Variants in SASH1 observed in about 807,000 individuals in gnomAD.
SASH1 encodes SAM and SH3 domain-containing protein 1.
SASH1 carries 44 observed loss-of-function variants against 125.2 expected under a neutral mutation model. The observed-to-expected ratio is 0.35, with a 90% CI of 0.28 to 0.45. The LOEUF is 0.45. Ranked by LOEUF, SASH1 falls within the 20% of genes least tolerant of loss-of-function variation. SASH1 has a pLI of 1.00. For synonymous variants in SASH1, 639 were observed against 649.1 expected (o/e 0.98, Z 0.24); for missense variants, 1,426 against 1,614.5 (o/e 0.88, Z 2.00).
chr6:148,445,571 G>C (rs1776735552), intron 4 of SASH1, among the ~76,000 whole-genome samples: 1 of 152,214 alleles, frequency 6.6e-6, no homozygotes, highest in Non-Finnish European at 1.5e-5. Flanking sequence ...AATGGGTCCA[G>C]GGCTGGCTCC....
intron 1 of SASH1, among the ~76,000 whole-genome samples, chr6:148,374,318 C>T (rs1011815685): frequency 3.3e-5 from 5 of 152,068 alleles, no homozygotes; most frequent in African/African-American, 1.2e-4. Context: ...TAGGAATGTC[C>T]AAGCAAACAT....
At chr6:148,418,155 T>A (rs538155001) in intron 2 of SASH1, among the ~76,000 whole-genome samples, 1 of 152,318 alleles carries the variant, frequency 6.6e-6, no homozygotes, top group East Asian at 1.9e-4. Context: ...TATAGTTAAT[T>A]TTGACAACAT....
chr6:148,438,745 A>C (rs1241680359), intron 2 of SASH1, among the ~76,000 whole-genome samples: 4 of 120,010 alleles, frequency 3.3e-5, no homozygotes, highest in Admixed American at 8.6e-5. Context: ...AAAAAAAAAA[A>C]ACCAAAACAA....
Position 148,544,166 on chromosome 6 carries a change from G to C in SASH1, c.2696G>C (p.Arg899Thr), listed in dbSNP as rs1782401320. ...GCATTGCTACTGACCCAAAGCAAGA[G>C]ATTTTCTGAACCTCAGAAATTGACA... ...DNALLLTQSK[R>T]FSEPQKLTTK... Residue 899 changes from arginine (R) to threonine (T), a missense_variant, in exon 18 of 20, where the codon AGA (arginine) becomes ACA (threonine). Around this residue, in one of 3 missense-constraint regions of SASH1, gnomAD observed 634 missense variants for 694.4 expected, o/e 0.91. Transcript: ENST00000367467. The surrounding 1 kb of genome is among the most constrained non-coding windows in gnomAD (Gnocchi z 6.4). The C allele has an allele frequency of 5.6e-6, 9 of 1,614,060 alleles. No homozygotes were observed. The East Asian group carries it at 1.8e-4, about 32-fold the overall frequency.
the SASH1 span, among the ~76,000 whole-genome samples, chr6:148,261,722 G>A: frequency 2.0e-5 from 3 of 152,118 alleles, no homozygotes; most frequent in Admixed American, 6.5e-5. Flanking sequence ...CAACAGCCAC[G>A]TCCCTGCAGG....
chr6:148,302,014 C>A (rs1779961418), intron 1 of SASH1, among the ~76,000 whole-genome samples: 1 of 151,652 alleles, frequency 6.6e-6, no homozygotes, highest in Non-Finnish European at 1.5e-5. Context: ...ATTTACAAGA[C>A]CCTTAAGAAG....
the SASH1 span, among the ~76,000 whole-genome samples, chr6:148,257,335 T>A: frequency 6.6e-6 from 1 of 152,154 alleles, no homozygotes; most frequent in African/African-American, 2.4e-5. Context: ...TCACATAGGG[T>A]TGGCCTAGAG....
chr6:148,299,693 C>G (rs1350300766), intron 1 of SASH1, among the ~76,000 whole-genome samples: 2 of 139,276 alleles, frequency 1.4e-5, no homozygotes, highest in Admixed American at 6.9e-5. Flanking sequence ...AAAGGCCTTT[C>G]AGGGTTCTCT....
intron 5 of SASH1, among the ~76,000 whole-genome samples, chr6:148,470,869 T>TG (rs1435912730): frequency 2.6e-5 from 4 of 152,022 alleles, no homozygotes; most frequent in Non-Finnish European, 4.4e-5. Flanking sequence ...AGAGTAACAC[T>TG]GGGGGCCAGA....
rs1249589728 is a variant in SASH1 at position 148,312,460 on chromosome 6, A to G, written n.74+40083A>G. On this transcript the variant is annotated intron_variant and non_coding_transcript_variant, in intron 1 of 3. Coordinates refer to the SASH1 transcript ENST00000367469. The stretch of plus-strand genomic sequence containing the variant: ...GAGTTTGAGGCTGCACTGAGCTATA[A>G]ATCATGTCACTGTACTCCAGCCTGG... Among the ~76,000 whole-genome samples the G allele has an allele frequency of 3.9e-5, 6 of 152,110 alleles. No homozygotes were observed. The East Asian group carries it at 1.2e-3, about 30-fold the overall frequency.
intron 1 of SASH1, among the ~76,000 whole-genome samples, chr6:148,383,164 T>C (rs959317606): frequency 2.0e-5 from 3 of 152,184 alleles, no homozygotes; most frequent in African/African-American, 7.2e-5. Flanking sequence ...ATTAAAGACA[T>C]TTTTATGGTT....
intron 16 of SASH1, among the ~76,000 whole-genome samples, chr6:148,539,903 C>T (rs1205551932): frequency 6.6e-6 from 1 of 152,114 alleles, no homozygotes; most frequent in African/African-American, 2.4e-5. Flanking sequence ...GCACGTGTTG[C>T]TGAGGGCTAA....
intron 2 of SASH1, among the ~76,000 whole-genome samples, chr6:148,428,348 G>T (rs1775912455): frequency 6.6e-6 from 1 of 152,164 alleles, no homozygotes; most frequent in African/African-American, 2.4e-5. Flanking sequence ...AAACTATCAG[G>T]CCGGGTGCGG....
chr6:148,390,547 G>T (rs1482685321), intron 2 of SASH1, among the ~76,000 whole-genome samples: 2 of 152,182 alleles, frequency 1.3e-5, no homozygotes, highest in Admixed American at 1.3e-4. Context: ...AGCACTTTGA[G>T]AGGCCCAGGC....
intron 2 of SASH1, among the ~76,000 whole-genome samples, chr6:148,409,977 C>G (rs562992064): frequency 3.3e-5 from 5 of 151,804 alleles, no homozygotes; most frequent in Non-Finnish European, 7.4e-5. Context: ...AACTTTCACC[C>G]CAGACTATAA....
chr6:148,370,099 A>G (rs1782652736), intron 1 of SASH1, among the ~76,000 whole-genome samples: 1 of 151,624 alleles, frequency 6.6e-6, no homozygotes, highest in South Asian at 2.1e-4. Context: ...CTCTTTTGTA[A>G]GTGGAAGGCA....
intron 2 of SASH1, among the ~76,000 whole-genome samples, chr6:148,434,332 C>T (rs1281716003): frequency 6.6e-6 from 1 of 152,154 alleles, no homozygotes; most frequent in African/African-American, 2.4e-5. Context: ...GCCTCAGCCT[C>T]CCAAAGTGCT....
intron 1 of SASH1, among the ~76,000 whole-genome samples, chr6:148,324,524 A>G (rs1389246615): frequency 6.6e-6 from 1 of 152,080 alleles, no homozygotes; most frequent in African/African-American, 2.4e-5. Flanking sequence ...AGTCCTTCCA[A>G]TTCAGCTTGG....
chr6:148,395,882 T>TTAA (rs1423025779), intron 2 of SASH1, among the ~76,000 whole-genome samples: 25 of 152,222 alleles, frequency 1.6e-4, no homozygotes, highest in African/African-American at 5.3e-4. Context: ...GGCTTCTTAT[T>TTAA]ACTGGCAGTA....
Sources: gnomAD v4.1 joint callset for allele counts (sites outside exome capture counted in the v4.1 genomes callset) on GRCh38, gnomAD v4.1.1 for gene constraint, gnomAD v4.1.1 regional missense constraint, Gnocchi (gnomAD v3.1) non-coding constraint, MANE v1.5 for transcripts, NCBI Gene and HGNC (gene_info 2026-07-23, HGNC 2026-07-21) for gene names.